HTR2C: variants seen among roughly 807,000 people sequenced by gnomAD.
The protein encoded by HTR2C is 5-hydroxytryptamine (serotonin) receptor 2C, G protein-coupled.
Under a neutral mutation model 21.0 loss-of-function variants are expected in HTR2C, and 5 were observed. The observed-to-expected ratio is 0.24, with a 90% CI of 0.12 to 0.50. The LOEUF (loss-of-function observed/expected upper bound fraction) is 0.50, where lower values mean the gene tolerates loss of function less well. HTR2C is among the 20% of genes least tolerant of loss of function. The pLI, the probability that HTR2C is intolerant of heterozygous loss-of-function variation, is 0.98. For missense variants in HTR2C, 271 were observed against 371.2 expected (o/e 0.73, Z 2.22); for synonymous variants, 150 against 145.3 (o/e 1.03, Z -0.23).
At chrX:114,809,389 G>GGT (rs1556451938) in intron 4 of HTR2C, among the ~76,000 whole-genome samples, 1 of 98,748 alleles carries the variant, frequency 1.0e-5, no homozygotes, top group Non-Finnish European at 2.0e-5. Flanking sequence ...CCTTTTTTTT[G>GGT]TTGTTTTTTT....
chrX:114,667,660 C>T (rs1353097892), intron 2 of HTR2C, among the ~76,000 whole-genome samples: 1 of 111,551 alleles, frequency 9.0e-6, no homozygotes, highest in African/African-American at 3.3e-5. Flanking sequence ...AACTGGGTGA[C>T]ATTGAAGTAA....
intron 2 of HTR2C, among the ~76,000 whole-genome samples, chrX:114,697,308 T>G (rs1285095444): frequency 1.8e-5 from 2 of 112,634 alleles, no homozygotes; most frequent in African/African-American, 6.4e-5. Context: ...AATCTAGCAA[T>G]GCATTGATTT....
At chrX:114,774,053 G>C (rs2070031646) in intron 4 of HTR2C, among the ~76,000 whole-genome samples, 1 of 112,070 alleles carries the variant, frequency 8.9e-6, no homozygotes, top group African/African-American at 3.2e-5. Context: ...GACACTTATT[G>C]AGTATCTGCT....
At chrX:114,726,233 G>T (rs1488740735) in intron 2 of HTR2C, among the ~76,000 whole-genome samples, 1 of 112,642 alleles carries the variant, frequency 8.9e-6, no homozygotes, top group Non-Finnish European at 1.9e-5. Flanking sequence ...CGTTTTTTAA[G>T]CCTGTTGGAA....
chrX:114,855,446 G>GA (rs1296406370), intron 5 of HTR2C, among the ~76,000 whole-genome samples: 1 of 110,648 alleles, frequency 9.0e-6, no homozygotes, highest in Non-Finnish European at 1.9e-5. Flanking sequence ...AACCTTAATG[G>GA]AAAAATCTTA....
intron 5 of HTR2C, among the ~76,000 whole-genome samples, chrX:114,895,838 A>G (rs1429591661): frequency 9.1e-6 from 1 of 110,397 alleles, no homozygotes; most frequent in Non-Finnish European, 1.9e-5. Flanking sequence ...AAATACAAAA[A>G]TTAGCCAGGA....
intron 5 of HTR2C, among the ~76,000 whole-genome samples, chrX:114,874,359 A>ATTG (rs2071115908): frequency 8.9e-6 from 1 of 111,759 alleles, no homozygotes; most frequent in South Asian, 3.7e-4. Context: ...GGAACCTTCA[A>ATTG]ACTGTTGTCA....
At position 114,869,589 on chromosome X, in the gene HTR2C, A is replaced by G. The variant is rs181020941; in HGVS notation, c.550+21386A>G. Among the ~76,000 whole-genome samples, 421 of 112,100 alleles carry G rather than the reference A, an allele frequency of 3.8e-3. 4 individuals are homozygous for G. Among genetic ancestry groups the G allele is most frequent in the African/African-American group, 0.013 (407 of 30,872 alleles). On this transcript the variant is annotated intron_variant, in intron 5 of 5. Transcript: ENST00000276198. ...GGAGTCTTTAGGTTTTTCCACGTATACTATAATATCATCTGAAAACAAGCA... is the reference window on the plus strand; with the variant it reads ...GGAGTCTTTAGGTTTTTCCACGTATGCTATAATATCATCTGAAAACAAGCA...
At chrX:114,897,201 A>G (rs1481864492) in intron 5 of HTR2C, among the ~76,000 whole-genome samples, 4 of 111,780 alleles carry the variant, frequency 3.6e-5, no homozygotes, top group African/African-American at 1.3e-4. Context: ...CTTGCTACAT[A>G]TGTCATAGAC....
intron 2 of HTR2C, among the ~76,000 whole-genome samples, chrX:114,642,911 C>T (rs1556406755): frequency 9.0e-6 from 1 of 111,249 alleles, no homozygotes; most frequent in African/African-American, 3.3e-5. Flanking sequence ...AAGCTTTAGC[C>T]CCCAATGATT....
rs184177421 is a variant in HTR2C at position 114,604,065 on chromosome X, A to G, written c.-146-9750A>G. The stretch of plus-strand genomic sequence containing the variant: ...GGATATTGGCGTTGAGTGGGGTAAG[A>G]GTGATTAGGTTTTAATGAGATGGTA... On this transcript the variant is annotated intron_variant, in intron 1 of 5. Coordinates refer to ENST00000276198, the MANE Select transcript of HTR2C (RefSeq NM_000868.4). Among the ~76,000 whole-genome samples the G allele has an allele frequency of 3.2e-3, 341 of 106,284 alleles. 2 individuals are homozygous for G. Among genetic ancestry groups the G allele is most frequent in the African/African-American group, 0.011 (322 of 28,989 alleles). The allele number at this position is 106,284 out of a possible 115,157, so 92.3% of individuals were successfully genotyped here. A position where few individuals can be genotyped will look rare whatever the true frequency, so the allele number is the denominator to read the frequency against.
Position 114,788,808 on chromosome X carries a change from C to T in HTR2C, c.349+57201C>T, listed in dbSNP as rs1035771856. Among the ~76,000 whole-genome samples, 11 of 109,748 alleles carry T rather than the reference C, an allele frequency of 1.0e-4. No individual in the cohort carries two copies. In the East Asian group the frequency reaches 1.5e-3, roughly 15 times the overall value. ...GGACTACAGGCATATGCCACCATGCCGAGCTAATTTTTGTATTTTTTGTAG... is the reference window on the plus strand; with the variant it reads ...GGACTACAGGCATATGCCACCATGCTGAGCTAATTTTTGTATTTTTTGTAG... On this transcript the variant is annotated intron_variant, in intron 4 of 5. Coordinates refer to ENST00000276198, the MANE Select transcript of HTR2C (RefSeq NM_000868.4).
At chrX:114,717,557 T>A (rs1268502546) in intron 2 of HTR2C, 1 of 111,438 alleles carries the variant, frequency 9.0e-6, no homozygotes, top group African/African-American at 3.3e-5. Context: ...CATTTTTTTT[T>A]AAGACTCATC....
intron 4 of HTR2C, chrX:114,823,448 G>T (rs782600898): frequency 5.8e-6 from 2 of 344,295 alleles, no homozygotes. Context: ...GTTCATCTTC[G>T]CATGGGCCGG....
chrX:114,651,610 A>G (rs1269128456), intron 2 of HTR2C: 1 of 125,222 alleles, frequency 8.0e-6, no homozygotes, highest in Non-Finnish European at 1.9e-5. Flanking sequence ...TGCAGTGTGA[A>G]CATAATAGAG....
intron 2 of HTR2C, among the ~76,000 whole-genome samples, chrX:114,726,389 G>A (rs1933483567): frequency 1.8e-5 from 2 of 112,228 alleles, no homozygotes; most frequent in South Asian, 3.7e-4. Flanking sequence ...CACGGTGCGT[G>A]CACCCACTGA....
intron 5 of HTR2C, among the ~76,000 whole-genome samples, chrX:114,860,281 T>A (rs1385094367): frequency 9.0e-6 from 1 of 111,384 alleles, no homozygotes; most frequent in Non-Finnish European, 1.9e-5. Flanking sequence ...TTCTATAAAT[T>A]TTGAGGTTAT....
chrX:114,840,267 A>T (rs1346600015), intron 4 of HTR2C, among the ~76,000 whole-genome samples: 1 of 111,148 alleles, frequency 9.0e-6, no homozygotes, highest in Non-Finnish European at 1.9e-5. Flanking sequence ...TATCAATACC[A>T]TCAAAGAAAA....
rs201457775 is a variant in HTR2C at position 114,908,573 on chromosome X, A to G, written c.*1158A>G. 9 of 112,438 alleles carry G rather than the reference A, an allele frequency of 8.0e-5. No homozygotes were observed. In the East Asian group the frequency reaches 2.5e-3, roughly 32 times the overall value. 9.3% of individuals were successfully genotyped at this position (112,438 alleles called of 1,213,427 possible). On this transcript the variant is annotated 3_prime_UTR_variant, in exon 6 of 6. Transcript: ENST00000276198. ...AACACGGAGTTTCCATTTGGATTTT[A>G]AACAAAATTTATGTCATTTTCAGAT... is the stretch of plus-strand genomic sequence containing the variant.
Sources: gnomAD v4.1 joint callset for allele counts (sites outside exome capture counted in the v4.1 genomes callset) on GRCh38, gnomAD v4.1.1 for gene constraint, MANE v1.5 for transcripts, NCBI Gene and HGNC (gene_info 2026-07-23, HGNC 2026-07-21) for gene names.